TTC8: variants seen among roughly 807,000 people sequenced by gnomAD.
TTC8 encodes tetratricopeptide repeat domain 8.
Under a neutral mutation model 72.5 loss-of-function variants are expected in TTC8, and 47 were observed. The observed-to-expected ratio is 0.65, with a 90% CI of 0.51 to 0.83. The LOEUF is 0.83. Among genes scored for constraint, TTC8 ranks in the 40% least tolerant of loss-of-function variants. The pLI is 0.00. For missense variants in TTC8, 611 were observed against 623.2 expected (o/e 0.98, Z 0.21); for synonymous variants, 199 against 221.4 (o/e 0.90, Z 0.90).
chr14:88,872,550 C>T (rs2094939242), intron 13 of TTC8, 98 bp downstream of exon 13: 2 of 1,545,214 alleles, frequency 1.3e-6, no homozygotes, highest in East Asian at 2.3e-5. Flanking sequence ...TTAAAATGAG[C>T]TCTAGAATCT....
At chr14:88,838,672 A>G (rs896857384) in intron 2 of TTC8, among the ~76,000 whole-genome samples, 2 of 152,226 alleles carry the variant, frequency 1.3e-5, no homozygotes, top group African/African-American at 4.8e-5. Context: ...CATATGTTTA[A>G]TAAGAAATTG....
At chr14:88,848,506 C>T (rs2094819051) in intron 7 of TTC8, among the ~76,000 whole-genome samples, 1 of 152,036 alleles carries the variant, frequency 6.6e-6, no homozygotes, top group African/African-American at 2.4e-5. Flanking sequence ...GCTGTATTTG[C>T]AATGGTGTTC....
At chr14:88,851,951 G>T (rs2094835875) in intron 7 of TTC8, among the ~76,000 whole-genome samples, 1 of 152,116 alleles carries the variant, frequency 6.6e-6, no homozygotes, top group South Asian at 2.1e-4. Context: ...GAAAAGAGTT[G>T]GTATTAAGAA....
chr14:88,830,493 A>G (rs1248634453), intron 1 of TTC8, among the ~76,000 whole-genome samples: 1 of 152,194 alleles, frequency 6.6e-6, no homozygotes, highest in Non-Finnish European at 1.5e-5. Flanking sequence ...ATGTGAAAGA[A>G]CTCTAAAAGT....
intron 1 of TTC8, among the ~76,000 whole-genome samples, chr14:88,828,198 AAT>A (rs138963124): frequency 0.32 from 48,884 of 151,906 alleles, 8,046 homozygotes; most frequent in Non-Finnish European, 0.37. Context: ...TTTAAAAATC[AAT>A]TTTTAAAATG....
At chr14:88,879,086 A>T (rs2094966445), downstream of TTC8, 1 of 152,074 alleles carries the variant, frequency 6.6e-6, no homozygotes, top group Non-Finnish European at 1.5e-5. Flanking sequence ...ATATTAACAC[A>T]GCAAAAAATA....
chr14:88,857,304 T>C (rs1300291953), intron 9 of TTC8, 27 bp downstream of exon 9: 1 of 1,579,712 alleles, frequency 6.3e-7, no homozygotes, highest in African/African-American at 1.3e-5. Context: ...TTGAGTGAAA[T>C]CTGCCTTCTC....
intron 7 of TTC8, among the ~76,000 whole-genome samples, chr14:88,850,651 C>T (rs915398854): frequency 2.0e-5 from 3 of 152,126 alleles, no homozygotes; most frequent in Admixed American, 6.5e-5. Flanking sequence ...TGCCACTGCA[C>T]TCCATCCAGC....
At chr14:88,879,916 G>T, downstream of TTC8, 1 of 152,116 alleles carries the variant, frequency 6.6e-6, no homozygotes, top group Non-Finnish European at 1.5e-5. Context: ...GCCTCAAGTG[G>T]TCCACCCGCC....
chr14:88,836,641 G>A (rs1399390696), intron 2 of TTC8, among the ~76,000 whole-genome samples: 1 of 152,066 alleles, frequency 6.6e-6, no homozygotes, highest in Non-Finnish European at 1.5e-5. Flanking sequence ...CGTCAGTTGG[G>A]GGATGGATGT....
chr14:88,879,341 T>C (rs991370360), downstream of TTC8: 4 of 152,176 alleles, frequency 2.6e-5, no homozygotes, highest in African/African-American at 9.7e-5. Context: ...TACTAATAAT[T>C]GTTTTCCAGT....
At chr14:88,848,388 C>T (rs2094818534) in intron 7 of TTC8, among the ~76,000 whole-genome samples, 2 of 151,850 alleles carry the variant, frequency 1.3e-5, no homozygotes, top group South Asian at 4.2e-4. Context: ...CACATGGTAC[C>T]ACAATTTGGA....
In TTC8 at chr14:88,877,340, C is replaced by T; in HGVS notation, c.1478C>T (p.Ala493Val). The T allele has an allele frequency of 6.2e-7, 1 of 1,613,784 alleles. No homozygotes were observed. Among genetic ancestry groups the T allele is most frequent in the Non-Finnish European group, 8.5e-7 (1 of 1,179,812 alleles). The change falls in exon 15 of 15, where the codon GCA (alanine) becomes GTA (valine). Residue 493 changes from alanine (A) to valine (V), a missense_variant. Transcript: ENST00000380656. ...TATGTTGCTGCGCAGAAGTCTGAAGCAGCATTTCCAGACCATGTGGACACA... is the reference window on the plus strand; with the variant it reads ...TATGTTGCTGCGCAGAAGTCTGAAGTAGCATTTCCAGACCATGTGGACACA... Reference protein sequence around the residue: ...RSYVAAQKSEAAFPDHVDTQH... With the variant: ...RSYVAAQKSEVAFPDHVDTQH...
intron 8 of TTC8, among the ~76,000 whole-genome samples, chr14:88,856,974 C>T (rs2094859068): frequency 6.6e-6 from 1 of 152,186 alleles, no homozygotes; most frequent in Admixed American, 6.5e-5. Flanking sequence ...CAGACAGACT[C>T]TTTACATACC....
At chr14:88,863,649 A>G (rs1440430331) in intron 10 of TTC8, among the ~76,000 whole-genome samples, 2 of 152,234 alleles carry the variant, frequency 1.3e-5, no homozygotes, top group Non-Finnish European at 2.9e-5. Context: ...AATGTAGAGA[A>G]CCAGCCAAAT....
chr14:88,825,511 T>A (rs888739433), intron 1 of TTC8, among the ~76,000 whole-genome samples: 1 of 152,156 alleles, frequency 6.6e-6, no homozygotes, highest in Non-Finnish European at 1.5e-5. Context: ...GTAATGTGTA[T>A]AGCGAGTGGA....
At position 88,871,469 on chromosome 14, in the gene TTC8, T is replaced by C. The variant is rs1358438760; in HGVS notation, c.1050-80T>C. On this transcript the variant is annotated intron_variant, in intron 11 of 14. Coordinates refer to ENST00000380656, the MANE Select transcript of TTC8 (RefSeq NM_144596.4). This position sits in a 1 kb window ranked among gnomAD's most constrained non-coding sequence, Gnocchi z 4.1. ...ATCACAAGATGAATTCATTTTTAAC[T>C]GTGTAAAATATATATATATATGTCT... 4 of 1,224,796 alleles carry C rather than the reference T, an allele frequency of 3.3e-6. No homozygotes were observed. In the African/African-American group the frequency reaches 4.9e-5, roughly 15 times the overall value. The allele number at this position is 1,224,796 out of a possible 1,614,324, so 75.9% of individuals were successfully genotyped here.
chr14:88,852,871 TTTGA>T (rs2094839508), intron 7 of TTC8, 96 bp from the exon 8 acceptor site: 1 of 1,042,012 alleles, frequency 9.6e-7, no homozygotes, highest in Non-Finnish European at 1.5e-6. Context: ...TAATGCACAT[TTTGA>T]TTGGTGCTAA....
chr14:88,843,807 C>CT lies in TTC8; in HGVS notation c.584dup (p.Leu195PhefsTer3). On this transcript the variant is annotated frameshift_variant and splice_region_variant, in exon 7 of 15. Coordinates refer to ENST00000380656, the MANE Select transcript of TTC8 (RefSeq NM_144596.4). LOFTEE classifies it high-confidence loss of function. ...TTTTTGACACTTTTTTCTTCACAGG[C>CT]TTTGTTTGAGTATATCTTTCATCAT... is the stretch of plus-strand genomic sequence containing the variant. 1 of 1,591,858 alleles carries CT rather than the reference C, an allele frequency of 6.3e-7. No homozygotes were observed. Among genetic ancestry groups the CT allele is most frequent in the Non-Finnish European group, 8.6e-7 (1 of 1,166,886 alleles).
Sources: gnomAD v4.1 joint callset for allele counts (sites outside exome capture counted in the v4.1 genomes callset) on GRCh38, gnomAD v4.1.1 for gene constraint, Gnocchi (gnomAD v3.1) non-coding constraint, MANE v1.5 for transcripts, NCBI Gene and HGNC (gene_info 2026-07-23, HGNC 2026-07-21) for gene names.